ATP1A4: variants seen among roughly 807,000 people sequenced by gnomAD.
ATP1A4 encodes the protein ATPase Na+/K+ transporting subunit alpha 4, also known as sodium/potassium-transporting ATPase subunit alpha-4.
A neutral mutation model predicts 114.3 loss-of-function variants in ATP1A4; 90 were observed. The observed-to-expected ratio is 0.79, with a 90% CI of 0.66 to 0.94. The LOEUF is 0.94. Among genes scored for constraint, ATP1A4 ranks in the 40% least tolerant of loss-of-function variants. ATP1A4 has a pLI of 0.00. For missense variants in ATP1A4, 1,222 were observed against 1,313.6 expected, an observed-to-expected ratio of 0.93 and a Z score of 1.08; for synonymous variants, 511 against 494.1, an observed-to-expected ratio of 1.03 and a Z score of -0.45.
At chr1:160,164,502 T>C (rs560904412) in intron 7 of ATP1A4, 78 bp downstream of exon 7, 238 of 1,480,574 alleles carry the variant, frequency 1.6e-4, no homozygotes, top group Admixed American at 4.8e-4. Flanking sequence ...GTCTCTTTTG[T>C]TGTTGAACCT....
At chr1:160,167,231 C>T in intron 9 of ATP1A4, 47 bp from the exon 10 acceptor site, 3 of 1,571,310 alleles carry the variant, frequency 1.9e-6, no homozygotes, top group Non-Finnish European at 2.6e-6. Context: ...GCCTCATGCC[C>T]AGGTAGCATG....
At chr1:160,184,326 G>A (rs1320709276) in intron 20 of ATP1A4, among the ~76,000 whole-genome samples, 1 of 152,016 alleles carries the variant, frequency 6.6e-6, no homozygotes, top group African/African-American at 2.4e-5. Flanking sequence ...TGGGGGGATC[G>A]CTTAAGGCCA....
At chr1:160,152,865 C>T (rs962578229) in intron 1 of ATP1A4, among the ~76,000 whole-genome samples, 2 of 152,026 alleles carry the variant, frequency 1.3e-5, no homozygotes, top group Admixed American at 6.6e-5. Flanking sequence ...GGTGAAACCC[C>T]GCCTCTAAAA....
chr1:160,156,228 C>A, intron 4 of ATP1A4, 70 bp downstream of exon 4: 1 of 1,076,390 alleles, frequency 9.3e-7, no homozygotes, highest in Non-Finnish European at 1.4e-6. Flanking sequence ...TGATGAAGTC[C>A]CGTGGAAAAT....
At chr1:160,157,208 C>T (rs1472770095) in intron 4 of ATP1A4, among the ~76,000 whole-genome samples, 2 of 143,286 alleles carry the variant, frequency 1.4e-5, no homozygotes, top group Non-Finnish European at 3.1e-5. Flanking sequence ...ATTTTAGATT[C>T]GGGGATACAT....
chr1:160,174,829 C>T (rs1653406236), intron 15 of ATP1A4, 82 bp downstream of exon 15: 1 of 1,579,240 alleles, frequency 6.3e-7, no homozygotes, highest in Admixed American at 1.8e-5. Context: ...TTTCCGTTTT[C>T]CCATCATCCA....
rs377713967 is a variant in ATP1A4, at chr1:160,186,362, C to A, written c.3056C>A (p.Pro1019Gln). ...AGAAAACTCCTCATCCGTCAGCACCCGGATGGTGAGGCTCCCCTGGGCCCC... is the reference window on the plus strand; with the variant it reads ...AGAAAACTCCTCATCCGTCAGCACCAGGATGGTGAGGCTCCCCTGGGCCCC... ...EIRKLLIRQH[P>Q]DGWVERETYY Residue 1019 changes from proline (P) to glutamine (Q), a missense_variant, in exon 21 of 22, where the codon CCG becomes CAG. Physicochemically the swap from Pro to Gln is moderately conservative, Grantham distance 76. Transcript: ENST00000368081. The A allele has an allele frequency of 6.2e-7, 1 of 1,612,104 alleles. No homozygotes were observed. The highest frequency in any genetic ancestry group is 2.2e-5 in the East Asian group (1 of 44,872).
chr1:160,181,626 C>T (rs959384474), intron 18 of ATP1A4, 58 bp from the exon 19 acceptor site: 49 of 1,599,324 alleles, frequency 3.1e-5, no homozygotes, highest in Non-Finnish European at 4.2e-5. Flanking sequence ...AGGAAAGAAG[C>T]CTTAGGGTGT....
Position 160,177,550 on chromosome 1 carries a change from C to T in ATP1A4, c.2622C>T (p.Thr874=). ...TCCAGGCTCTGGCTGGATTCTTTAC[C>T]TACTTTGTAATCCTGGCTGAGAATG... The part of the protein sequence containing the change: ...GMIQALAGFF[T]YFVILAENGF... The change falls in exon 18 of 22, where the codon ACC becomes ACT. Residue 874 remains threonine, a synonymous_variant. Coordinates refer to ENST00000368081, the MANE Select transcript of ATP1A4 (RefSeq NM_144699.4). 6.2e-7 allele frequency: 1 copy of T among 1,614,186 alleles called. No individual in the cohort carries two copies. The highest frequency in any genetic ancestry group is 2.2e-5 in the East Asian group (1 of 44,886).
rs368244681 is a variant in ATP1A4 at position 160,173,710 on chromosome 1, G to A, written c.1984G>A (p.Asp662Asn). 239 of 1,613,976 alleles carry A rather than the reference G, an allele frequency of 1.5e-4. No individual in the cohort carries two copies. In the South Asian group the frequency reaches 2.3e-3, roughly 16 times the overall value. The change falls in exon 13 of 22, where the codon GAT becomes AAT. Residue 662 changes from aspartate (D) to asparagine (N), a missense_variant. Transcript: ENST00000368081. ...ARLKIPISKV[D>N]ASAAKAIVVH... ...GCTTAAGATCCCTATCAGCAAGGTC[G>A]ATGCCAGGTGAGATCACTAAAGAAC... is the stretch of plus-strand genomic sequence containing the variant.
chr1:160,152,281 C>A (rs930517275), intron 1 of ATP1A4, 94 bp downstream of exon 1: 6 of 1,383,204 alleles, frequency 4.3e-6, no homozygotes, highest in Non-Finnish European at 5.8e-6. Context: ...AACACACAGG[C>A]CAGAGCCACA....
chr1:160,171,871 G>C, intron 12 of ATP1A4, 114 bp downstream of exon 12: 1 of 1,073,414 alleles, frequency 9.3e-7, no homozygotes, highest in South Asian at 1.8e-5. Context: ...GCGGATTTCT[G>C]TTTCCTTGGG....
chr1:160,152,314 A>C, intron 1 of ATP1A4, 127 bp downstream of exon 1: 1 of 970,590 alleles, frequency 1.0e-6, no homozygotes. Flanking sequence ...TAGGCTTTGG[A>C]GGGAAGGAGA....
rs1402768745 is a variant in ATP1A4 at position 160,153,192 on chromosome 1, C to G, written c.175C>G (p.Leu59Val). The G allele has an allele frequency of 6.2e-7, 1 of 1,613,890 alleles. No homozygotes were observed. The highest frequency in any genetic ancestry group is 8.5e-7 in the Non-Finnish European group (1 of 1,179,944). The change falls in exon 2 of 22, where the codon CTG becomes GTG. Residue 59 changes from leucine to valine, a missense_variant. Transcript: ENST00000368081. ...TGATCACAAATTAACCTTGGAAGAGCTGAGCACCAAGTACTCCGTGGACCT... is the reference window on the plus strand; with the variant it reads ...TGATCACAAATTAACCTTGGAAGAGGTGAGCACCAAGTACTCCGTGGACCT... ...MDDHKLTLEE[L>V]STKYSVDLTK...
chr1:160,181,809 C>A lies in ATP1A4; in HGVS notation c.2862C>A (p.Gly954=). 2.5e-6 allele frequency: 4 copies of A among 1,602,838 alleles called. No homozygotes were observed. The highest frequency in any genetic ancestry group is 3.4e-6 in the Non-Finnish European group (4 of 1,177,256). The stretch of plus-strand genomic sequence containing the variant: ...GCCGCAACTCACTTTTCCAGCAGGG[C>A]ATGAGGTGAACATCTCACAAAACAG... The part of the protein sequence containing the change: ...KTRRNSLFQQ[G]MRNKVLIFGI... Residue 954 remains glycine, a synonymous_variant, in exon 19 of 22, where the codon GGC becomes GGA. Coordinates refer to ENST00000368081, the MANE Select transcript of ATP1A4 (RefSeq NM_144699.4).
chr1:160,181,971 T>C lies in ATP1A4; in HGVS notation c.2909T>C (p.Leu970Ser). 1 of 1,614,176 alleles carries C rather than the reference T, an allele frequency of 6.2e-7. No individual in the cohort carries two copies. The highest frequency in any genetic ancestry group is 1.7e-5 in the Admixed American group (1 of 60,020). ...TTTGGGATCCTGGAGGAGACACTCT[T>C]GGCTGCATTTCTGTCCTACACTCCA... ...LIFGILEETL[L>S]AAFLSYTPGM... The change falls in exon 20 of 22, where the codon TTG (leucine) becomes TCG (serine). Residue 970 changes from leucine to serine, a missense_variant. Physicochemically the swap from Leu to Ser is moderately radical, Grantham distance 145 (BLOSUM62 -2). Transcript: ENST00000368081.
intron 10 of ATP1A4, among the ~76,000 whole-genome samples, chr1:160,168,725 A>G (rs1297754171): frequency 1.3e-5 from 2 of 152,158 alleles, no homozygotes; most frequent in Non-Finnish European, 2.9e-5. Flanking sequence ...ATCGTTTTAC[A>G]CTGAAAACTG....
intron 10 of ATP1A4, among the ~76,000 whole-genome samples, chr1:160,168,987 T>C (rs996537247): frequency 6.6e-5 from 10 of 151,916 alleles, no homozygotes; most frequent in African/African-American, 2.4e-4. Context: ...ATTCACAACA[T>C]TTGTTGGGGC....
chr1:160,157,084 G>C (rs1652697966), intron 4 of ATP1A4, among the ~76,000 whole-genome samples: 1 of 121,242 alleles, frequency 8.2e-6, no homozygotes. Context: ...CAGAGACGCT[G>C]TCTCAAAAAA....
Sources: gnomAD v4.1 joint callset for allele counts (sites outside exome capture counted in the v4.1 genomes callset) on GRCh38, gnomAD v4.1.1 for gene constraint, MANE v1.5 for transcripts, NCBI Gene and HGNC (gene_info 2026-07-23, HGNC 2026-07-21) for gene names.